Variants in TCF4 observed in about 807,000 individuals in gnomAD.
TCF4 encodes the protein transcription factor 4, also known as SL3-3 enhancer factor 2.
In TCF4, 3 loss-of-function variants were observed where a neutral mutation model predicts 82.1. The observed-to-expected ratio is 0.04, with a 90% confidence interval of 0.02 to 0.09. The LOEUF (loss-of-function observed/expected upper bound fraction) is 0.09, where lower values mean the gene tolerates loss of function less well. Ranked by LOEUF, TCF4 falls within the 10% of genes least tolerant of loss-of-function variation. The pLI, the probability that TCF4 is intolerant of heterozygous loss-of-function variation, is 1.00. For synonymous variants in TCF4, 276 were observed against 309.6 expected (o/e 0.89, Z 1.14); for missense variants, 518 against 852.7 (o/e 0.61, Z 4.89).
chr18:55,617,811 C>CTCTGTGTG, intron 2 of TCF4, among the ~76,000 whole-genome samples: 1 of 140,684 alleles, frequency 7.1e-6, no homozygotes, highest in East Asian at 2.1e-4. Flanking sequence ...TTAATTCTAA[C>CTCTGTGTG]TGTGTGTGTG....
At chr18:55,369,934 T>C (rs1230265276) in intron 6 of TCF4, among the ~76,000 whole-genome samples, 1 of 152,172 alleles carries the variant, frequency 6.6e-6, no homozygotes, top group Admixed American at 6.5e-5. Flanking sequence ...TGTGTGTGTG[T>C]GTTTGAAAAT....
At chr18:55,274,482 T>A (rs2061057602) in intron 10 of TCF4, among the ~76,000 whole-genome samples, 1 of 152,150 alleles carries the variant, frequency 6.6e-6, no homozygotes, top group African/African-American at 2.4e-5. Flanking sequence ...ACTTCTGGAA[T>A]TTTTTTGATT....
At chr18:55,529,709 T>A (rs2097036012) in intron 3 of TCF4, among the ~76,000 whole-genome samples, 1 of 152,148 alleles carries the variant, frequency 6.6e-6, no homozygotes, top group Non-Finnish European at 1.5e-5. Context: ...CACTGGCAAC[T>A]CCGCGATGGC....
intron 2 of TCF4, among the ~76,000 whole-genome samples, chr18:55,621,394 TATGGGGTACTGCCTG>T (rs2097717916): frequency 8.5e-6 from 1 of 118,040 alleles, no homozygotes; most frequent in Non-Finnish European, 1.7e-5. Context: ...CTGCCTGGTA[TATGGGGTACTGCCTG>T]ATATATATAT....
chr18:55,360,062 T>C (rs1022493505), intron 6 of TCF4, among the ~76,000 whole-genome samples: 2 of 152,198 alleles, frequency 1.3e-5, no homozygotes, highest in African/African-American at 4.8e-5. Context: ...GATTCAGTAG[T>C]GCCGTATTCT....
intron 3 of TCF4, among the ~76,000 whole-genome samples, chr18:55,535,111 T>C (rs1231543668): frequency 2.0e-5 from 3 of 152,246 alleles, no homozygotes; most frequent in African/African-American, 7.2e-5. Flanking sequence ...AACTACAGAA[T>C]TATAATCTGC....
At chr18:55,409,906 A>G (rs79032141) in intron 5 of TCF4, among the ~76,000 whole-genome samples, 2 of 152,144 alleles carry the variant, frequency 1.3e-5, no homozygotes, top group Non-Finnish European at 2.9e-5. Flanking sequence ...TATTCTTTCA[A>G]TTTCCAACAT....
intron 8 of TCF4, chr18:55,284,496 C>CT (rs1429363263): frequency 3.3e-5 from 5 of 152,096 alleles, no homozygotes; most frequent in African/African-American, 1.2e-4. Context: ...AACCTGCTTC[C>CT]TGAAGGGGAA....
intron 2 of TCF4, among the ~76,000 whole-genome samples, chr18:55,615,898 T>A (rs1485685277): frequency 6.6e-6 from 1 of 152,176 alleles, no homozygotes; most frequent in African/African-American, 2.4e-5. Context: ...GAATTTGATA[T>A]GCTAAAATTT....
chr18:55,587,913 G>A (rs1471955140), intron 1 of TCF4, 125 bp downstream of exon 1: 1 of 833,822 alleles, frequency 1.2e-6, no homozygotes, highest in South Asian at 5.4e-5. Flanking sequence ...TGTCTCTTCT[G>A]GGAGCGCCGG....
intron 8 of TCF4, among the ~76,000 whole-genome samples, chr18:55,323,308 A>G (rs1462194056): frequency 6.6e-6 from 1 of 152,210 alleles, no homozygotes; most frequent in Non-Finnish European, 1.5e-5. Context: ...ATTCTCAAGA[A>G]TCAACTTTAA....
intron 8 of TCF4, among the ~76,000 whole-genome samples, chr18:55,280,402 C>A (rs2062344955): frequency 6.6e-6 from 1 of 152,072 alleles, no homozygotes; most frequent in South Asian, 2.1e-4. Context: ...ACTTGGGAAA[C>A]CAATTCTTTA....
intron 3 of TCF4, among the ~76,000 whole-genome samples, chr18:55,516,148 G>A (rs2096879339): frequency 6.6e-6 from 1 of 152,114 alleles, no homozygotes; most frequent in South Asian, 2.1e-4. Flanking sequence ...GGCTGTAGAT[G>A]GAAAAGATGA....
chr18:55,606,000 C>T (rs980003932), intron 2 of TCF4, among the ~76,000 whole-genome samples: 8 of 152,286 alleles, frequency 5.3e-5, no homozygotes, highest in Middle Eastern at 3.4e-3. Context: ...TCAGAAACTC[C>T]GGGGTGGGCC....
At chr18:55,625,278 G>A (rs1269209460) in intron 2 of TCF4, among the ~76,000 whole-genome samples, 17 of 146,392 alleles carry the variant, frequency 1.2e-4, no homozygotes, top group African/African-American at 2.8e-4. Context: ...TTGCTTTGTC[G>A]CCCAGGCTGG....
chr18:55,494,938 T>A (rs1675866568), intron 3 of TCF4, among the ~76,000 whole-genome samples: 1 of 147,930 alleles, frequency 6.8e-6, no homozygotes, highest in South Asian at 2.2e-4. Context: ...TCTATAAAGA[T>A]CTGAAACAGA....
intron 3 of TCF4, among the ~76,000 whole-genome samples, chr18:55,472,297 G>A (rs2096201024): frequency 6.6e-6 from 1 of 152,184 alleles, no homozygotes. Flanking sequence ...TCTTTTTGAA[G>A]CTCAAGGTGG....
intron 5 of TCF4, among the ~76,000 whole-genome samples, chr18:55,455,764 T>C (rs1655606739): frequency 6.6e-6 from 1 of 152,240 alleles, no homozygotes; most frequent in African/African-American, 2.4e-5. Context: ...TATTTTCTAA[T>C]ACTCACACTT....
At chr18:55,582,481 T>C (rs971198534) in intron 3 of TCF4, among the ~76,000 whole-genome samples, 1 of 152,132 alleles carries the variant, frequency 6.6e-6, no homozygotes, top group Non-Finnish European at 1.5e-5. Context: ...AGTCCTTTCC[T>C]GGGTTGACAA....
Sources: allele counts gnomAD v4.1 joint callset (sites outside exome capture counted in the v4.1 genomes callset), GRCh38; gene constraint gnomAD v4.1.1; transcripts MANE v1.5; gene names NCBI Gene and HGNC (gene_info 2026-07-23, HGNC 2026-07-21).